The following CDH18 variants were observed in gnomAD, a reference collection of about 807,000 sequenced individuals.
The protein encoded by CDH18 is cadherin 18.
A neutral mutation model predicts 67.9 loss-of-function variants in CDH18; 31 were observed. The observed-to-expected ratio is 0.46, with a 90% CI of 0.34 to 0.62. CDH18 has a LOEUF of 0.62. Among genes scored for constraint, CDH18 ranks in the 20% least tolerant of loss-of-function variants. The probability of loss-of-function intolerance (pLI) is 0.01; values close to 1 mark genes in which losing one functional copy is unlikely to be tolerated. For synonymous variants in CDH18, 362 were observed against 347.2 expected (o/e 1.04, Z -0.48); for missense variants, 890 against 975.5 (o/e 0.91, Z 1.17).
chr5:20,517,087 T>A (rs1392452076), intron 1 of CDH18, among the ~76,000 whole-genome samples: 1 of 151,934 alleles, frequency 6.6e-6, no homozygotes, highest in African/African-American at 2.4e-5. Context: ...TTCTAAACAA[T>A]CTCAATTATG....
chr5:19,624,015 T>TATTATA (rs1384302742), intron 5 of CDH18, among the ~76,000 whole-genome samples: 1 of 148,210 alleles, frequency 6.7e-6, no homozygotes, highest in African/African-American at 2.5e-5. Flanking sequence ...TTATTATTAT[T>TATTATA]ATTATTATTG....
chr5:20,280,541 C>A (rs1214162512), intron 1 of CDH18, among the ~76,000 whole-genome samples: 3 of 152,150 alleles, frequency 2.0e-5, no homozygotes, highest in African/African-American at 4.8e-5. Context: ...ATGAACTCAT[C>A]ATTTTTTATG....
chr5:20,089,734 G>A (rs2150557596), intron 2 of CDH18, among the ~76,000 whole-genome samples: 1 of 152,154 alleles, frequency 6.6e-6, no homozygotes, highest in African/African-American at 2.4e-5. Context: ...TACTTCCCTA[G>A]AGCATAAAGT....
intron 5 of CDH18, among the ~76,000 whole-genome samples, chr5:19,615,018 G>A (rs2947352): frequency 0.038 from 5,834 of 152,034 alleles, 326 homozygotes; most frequent in African/African-American, 0.12. Flanking sequence ...GTGGTGGCAC[G>A]AGCCTGTAGT....
At chr5:19,957,237 T>A (rs190035066) in intron 2 of CDH18, among the ~76,000 whole-genome samples, 8 of 151,968 alleles carry the variant, frequency 5.3e-5, no homozygotes, top group Non-Finnish European at 1.0e-4. Context: ...TCACTGATAA[T>A]TATTTTTGTA....
Position 19,534,545 on chromosome 5 carries a change from T to C in CDH18, c.1390+9324A>G, listed in dbSNP as rs115941311. Reference sequence around the variant, plus strand: ...AGACAGATACCTGATCAAAGCAAACTCATAGCTTAATTTACCTATACACTT... The same window carrying C: ...AGACAGATACCTGATCAAAGCAAACCCATAGCTTAATTTACCTATACACTT... On this transcript the variant is annotated intron_variant, in intron 9 of 12. Transcript: ENST00000382275. Among the ~76,000 whole-genome samples, 383 of 152,228 alleles carry C rather than the reference T, an allele frequency of 2.5e-3. 2 individuals are homozygous for C. The highest frequency in any genetic ancestry group is 8.9e-3 in the African/African-American group (370 of 41,554).
chr5:20,062,244 T>C (rs531620200), intron 2 of CDH18, among the ~76,000 whole-genome samples: 1 of 151,382 alleles, frequency 6.6e-6, no homozygotes, highest in East Asian at 2.0e-4. Flanking sequence ...GCTACCTCTG[T>C]CTCCCAGGTT....
intron 2 of CDH18, among the ~76,000 whole-genome samples, chr5:20,076,947 T>C (rs9942309): frequency 1.7e-4 from 26 of 152,330 alleles, no homozygotes; most frequent in African/African-American, 5.5e-4. Context: ...AAGTGACTTA[T>C]GCATCATTGT....
chr5:20,052,553 T>C (rs1256198510), intron 2 of CDH18, among the ~76,000 whole-genome samples: 1 of 152,106 alleles, frequency 6.6e-6, no homozygotes, highest in African/African-American at 2.4e-5. Flanking sequence ...TAATTGTTTC[T>C]TTAGTTATAG....
intron 1 of CDH18, among the ~76,000 whole-genome samples, chr5:20,345,229 A>G (rs528837843): frequency 2.0e-5 from 3 of 151,762 alleles, no homozygotes; most frequent in East Asian, 2.0e-4. Flanking sequence ...CCAACATCCA[A>G]TTGGAAATTG....
At chr5:19,493,112 G>A (rs1360765643) in intron 11 of CDH18, among the ~76,000 whole-genome samples, 2 of 152,084 alleles carry the variant, frequency 1.3e-5, no homozygotes, top group South Asian at 2.1e-4. Context: ...CTCCCTGGTG[G>A]AACAGCCTCT....
chr5:20,165,268 T>C (rs1197370153), intron 2 of CDH18, among the ~76,000 whole-genome samples: 2 of 152,058 alleles, frequency 1.3e-5, no homozygotes, highest in African/African-American at 2.4e-5. Flanking sequence ...CTTTATTGTA[T>C]AGTATATATG....
intron 3 of CDH18, among the ~76,000 whole-genome samples, chr5:19,795,763 G>A (rs533718440): frequency 6.5e-4 from 99 of 152,084 alleles, no homozygotes; most frequent in South Asian, 1.7e-3. Flanking sequence ...TGTCAACACC[G>A]CAATGAACCA....
At chr5:19,948,022 T>G (rs756457021) in intron 2 of CDH18, among the ~76,000 whole-genome samples, 1 of 152,152 alleles carries the variant, frequency 6.6e-6, no homozygotes, top group African/African-American at 2.4e-5. Context: ...TACGTAAGCA[T>G]TGAAGATGTT....
At position 20,214,195 on chromosome 5, in the gene CDH18, C is replaced by T. The variant is rs556784873; in HGVS notation, c.-518+41249G>A. Among the ~76,000 whole-genome samples, 3 of 151,924 alleles carry T rather than the reference C, an allele frequency of 2.0e-5. No homozygotes were observed. In the East Asian group the frequency reaches 5.8e-4, roughly 29 times the overall value. ...CTGCTCAATGAAATTAGAGATGATACAAATAAGTAGACAAAAATATATTAT... is the reference window on the plus strand; with the variant it reads ...CTGCTCAATGAAATTAGAGATGATATAAATAAGTAGACAAAAATATATTAT... On this transcript the variant is annotated intron_variant, in intron 2 of 14. Coordinates refer to the CDH18 transcript ENST00000507958.
In CDH18 at chr5:20,204,819, T is replaced by A. The variant is rs11959223; in HGVS notation, c.-518+50625A>T. On this transcript the variant is annotated intron_variant, in intron 2 of 14. Coordinates refer to the CDH18 transcript ENST00000507958. ...TTTGTTCTTCTCTTTGTTCCTATTCTTTTCTTTGTGATCTAGGTCATCATT... is the reference window on the plus strand; with the variant it reads ...TTTGTTCTTCTCTTTGTTCCTATTCATTTCTTTGTGATCTAGGTCATCATT... Among the ~76,000 whole-genome samples the A allele has an allele frequency of 3.3e-3, 497 of 151,840 alleles. 7 individuals are homozygous for A. Among genetic ancestry groups the A allele is most frequent in the African/African-American group, 0.012 (479 of 41,394 alleles).
chr5:20,473,370 T>C (rs553326120), intron 1 of CDH18, among the ~76,000 whole-genome samples: 1 of 152,182 alleles, frequency 6.6e-6, no homozygotes, highest in Non-Finnish European at 1.5e-5. Flanking sequence ...GTTTAATGTA[T>C]TATTTTGTGA....
intron 2 of CDH18, among the ~76,000 whole-genome samples, chr5:20,189,090 T>TC (rs1250719635): frequency 6.6e-6 from 1 of 152,002 alleles, no homozygotes; most frequent in Non-Finnish European, 1.5e-5. Flanking sequence ...GCAATGCCTT[T>TC]CATCGCTACT....
At chr5:19,495,303 G>C (rs1393157517) in intron 11 of CDH18, among the ~76,000 whole-genome samples, 2 of 152,140 alleles carry the variant, frequency 1.3e-5, no homozygotes, top group Non-Finnish European at 2.9e-5. Flanking sequence ...TCCTTTCTCT[G>C]AAACTCCATT....
Sources: gnomAD v4.1 joint callset for allele counts (sites outside exome capture counted in the v4.1 genomes callset) on GRCh38, gnomAD v4.1.1 for gene constraint, MANE v1.5 for transcripts, NCBI Gene and HGNC (gene_info 2026-07-23, HGNC 2026-07-21) for gene names.